FANCD2OS: variants seen among roughly 807,000 people sequenced by gnomAD.
The protein encoded by FANCD2OS is FANCD2 opposite strand protein.
FANCD2OS carries 11 observed loss-of-function variants against 13.2 expected under a neutral mutation model. The observed-to-expected ratio is 0.83, with a 90% CI of 0.52 to 1.38. The LOEUF (loss-of-function observed/expected upper bound fraction) is 1.38. Ranked by LOEUF, FANCD2OS falls within the 40% of genes most tolerant of loss-of-function variation. The probability of loss-of-function intolerance (pLI) is 0.00; values close to 1 mark genes in which losing one functional copy is unlikely to be tolerated. For missense variants in FANCD2OS, 217 were observed against 213.9 expected (o/e 1.01, Z -0.09); for synonymous variants, 69 against 84.5 (o/e 0.82, Z 1.01).
chr3:10,090,418 A>T (rs1694520093), intron 2 of FANCD2OS: 1 of 1,048,830 alleles, frequency 9.5e-7, no homozygotes, highest in Admixed American at 1.8e-5. Context: ...CAAGAAGTGG[A>T]CTTTGGATTA....
intron 1 of FANCD2OS, among the ~76,000 whole-genome samples, chr3:10,106,076 T>C (rs2125111732): frequency 6.6e-6 from 1 of 152,098 alleles, no homozygotes; most frequent in South Asian, 2.1e-4. Flanking sequence ...CTGCATTTTC[T>C]AGCACAAGGG....
At chr3:10,094,926 T>C in intron 2 of FANCD2OS, 1 of 478,720 alleles carries the variant, frequency 2.1e-6, no homozygotes. Context: ...TTTATCCTAA[T>C]GTTGCAGATG....
chr3:10,104,383 C>T lies in FANCD2OS; in HGVS notation c.392G>A (p.Ser131Asn). Reference sequence around the variant, plus strand: ...TCCAATGGGCCACTGGTGCTCCCTGCTAATGATTTTGCAAAAGGCTGACTT... The same window carrying T: ...TCCAATGGGCCACTGGTGCTCCCTGTTAATGATTTTGCAAAAGGCTGACTT... ...SDKSAFCKII[S>N]REHQWPIGLK... Residue 131 changes from serine (S) to asparagine (N), a missense_variant, in exon 2 of 2, where the codon AGC becomes AAC. Physicochemically the swap from Ser to Asn is conservative, Grantham distance 46. Transcript: ENST00000450660. 6.2e-7 allele frequency: 1 copy of T among 1,614,178 alleles called. No individual in the cohort carries two copies. The highest frequency in any genetic ancestry group is 1.1e-5 in the South Asian group (1 of 91,080).
chr3:10,098,999 C>G (rs1695147300), downstream of FANCD2OS: 1 of 1,613,730 alleles, frequency 6.2e-7, no homozygotes, highest in Non-Finnish European at 8.5e-7. Flanking sequence ...AACAACGACA[C>G]AATCTTAGAA....
At chr3:10,081,394 G>C in exon 3 of FANCD2OS, 1 of 1,614,146 alleles carries the variant, frequency 6.2e-7, no homozygotes, top group South Asian at 1.1e-5. Context: ...AGGAGTGAAA[G>C]TTCAGGAGTA....
At chr3:10,092,551 G>T (rs1022809836) in intron 2 of FANCD2OS, among the ~76,000 whole-genome samples, 1 of 151,106 alleles carries the variant, frequency 6.6e-6, no homozygotes, top group African/African-American at 2.4e-5. Flanking sequence ...TGATCTGAGC[G>T]CACATTCCCT....
chr3:10,108,189 C>A lies in FANCD2OS; in HGVS notation c.-183G>T, dbSNP rs978989152. The stretch of plus-strand genomic sequence containing the variant: ...GGGGACCAGAAGGTTCTGGCTGAGG[C>A]GGACGATGCGGTGGGAACCTGGGCC... On this transcript the variant is annotated 5_prime_UTR_variant, in exon 1 of 2. Coordinates refer to ENST00000450660, the MANE Select transcript of FANCD2OS (RefSeq NM_001164839.2). 6.6e-6 allele frequency: 1 copy of A among 152,282 alleles called. No individual in the cohort carries two copies. The highest frequency in any genetic ancestry group is 1.5e-5 in the Non-Finnish European group (1 of 68,100). 9.4% of individuals were successfully genotyped at this position (152,282 alleles called of 1,614,324 possible).
chr3:10,090,274 G>A, intron 2 of FANCD2OS: 1 of 1,595,976 alleles, frequency 6.3e-7, no homozygotes, highest in African/African-American at 1.3e-5. Flanking sequence ...GGGCACGCAT[G>A]CTTTTCCCGT....
At chr3:10,092,597 A>G (rs1238608849) in intron 2 of FANCD2OS, among the ~76,000 whole-genome samples, 2 of 149,482 alleles carry the variant, frequency 1.3e-5, no homozygotes, top group Non-Finnish European at 3.0e-5. Flanking sequence ...TCCTTTAAAC[A>G]CACTGTGCTC....
intron 2 of FANCD2OS, chr3:10,087,148 A>G: frequency 6.2e-7 from 1 of 1,614,090 alleles, no homozygotes; most frequent in Non-Finnish European, 8.5e-7. Context: ...AGCGTCCATT[A>G]CTTGCAGAAT....
chr3:10,089,220 G>C (rs1694430049), intron 2 of FANCD2OS, among the ~76,000 whole-genome samples: 1 of 151,968 alleles, frequency 6.6e-6, no homozygotes, highest in African/African-American at 2.4e-5. Context: ...GGGAGGCGGA[G>C]GTTGCAGTGA....
intron 2 of FANCD2OS, among the ~76,000 whole-genome samples, chr3:10,085,598 G>A (rs1694143764): frequency 6.6e-6 from 1 of 151,842 alleles, no homozygotes; most frequent in African/African-American, 2.4e-5. Flanking sequence ...CACCGTGTTG[G>A]CCAAGATGGT....
chr3:10,102,561 G>A (rs1480769713), downstream of FANCD2OS, among the ~76,000 whole-genome samples: 10 of 151,664 alleles, frequency 6.6e-5, no homozygotes, highest in East Asian at 1.9e-4. Flanking sequence ...GCGGTGGCTC[G>A]CGCCTGTAAT....
intron 2 of FANCD2OS, chr3:10,088,411 T>G (rs1266384847): frequency 2.5e-6 from 3 of 1,214,666 alleles, no homozygotes; most frequent in Middle Eastern, 1.9e-4. Flanking sequence ...GAGGTCAAGT[T>G]CCCATATGTA....
chr3:10,107,482 T>C (rs1163178818), intron 1 of FANCD2OS, among the ~76,000 whole-genome samples: 2 of 151,790 alleles, frequency 1.3e-5, no homozygotes, highest in African/African-American at 4.8e-5. Context: ...GAGACAGGGT[T>C]TCACCGTGTT....
chr3:10,100,456 C>T (rs1291228965), downstream of FANCD2OS, among the ~76,000 whole-genome samples: 3 of 152,206 alleles, frequency 2.0e-5, no homozygotes, highest in Non-Finnish European at 4.4e-5. Flanking sequence ...TCACTGCAGT[C>T]TGTCTCCCGA....
chr3:10,100,137 A>G (rs866687601), downstream of FANCD2OS, among the ~76,000 whole-genome samples: 3 of 152,022 alleles, frequency 2.0e-5, no homozygotes, highest in Admixed American at 6.5e-5. Context: ...GCAGTGAGCC[A>G]TCATCACACT....
chr3:10,096,563 G>A (rs146039927), intron 2 of FANCD2OS: 14 of 1,213,646 alleles, frequency 1.2e-5, no homozygotes, highest in East Asian at 4.7e-5. Flanking sequence ...CTAAGCCCTC[G>A]TCTCTCAGTA....
intron 2 of FANCD2OS, among the ~76,000 whole-genome samples, chr3:10,087,796 G>A (rs567177962): frequency 1.3e-5 from 2 of 152,056 alleles, no homozygotes; most frequent in South Asian, 2.1e-4. Context: ...TTACAGGTGC[G>A]CACCACCGTG....
Sources: allele counts gnomAD v4.1 joint callset (sites outside exome capture counted in the v4.1 genomes callset), GRCh38; gene constraint gnomAD v4.1.1; transcripts MANE v1.5; gene names NCBI Gene and HGNC (gene_info 2026-07-23, HGNC 2026-07-21).